CALCR: variants seen among roughly 807,000 people sequenced by gnomAD.
The protein encoded by CALCR is calcitonin receptor.
A neutral mutation model predicts 59.5 loss-of-function variants in CALCR; 47 were observed. That is an observed-to-expected ratio of 0.79 (90% CI 0.63 to 1.01). The LOEUF is 1.01. Ranked by LOEUF, CALCR falls within the 50% of genes least tolerant of loss-of-function variation. The pLI is 0.00. For missense variants in CALCR, 566 were observed against 597.1 expected, an observed-to-expected ratio of 0.95 and a Z score of 0.54; for synonymous variants, 213 against 211.3, an observed-to-expected ratio of 1.01 and a Z score of -0.07.
intron 2 of CALCR, among the ~76,000 whole-genome samples, chr7:93,561,150 C>G (rs1004484123): frequency 2.0e-5 from 3 of 152,100 alleles, no homozygotes; most frequent in African/African-American, 7.2e-5. Context: ...CACTGTGTCA[C>G]GGAGTGTTGG....
At chr7:93,463,005 T>A (rs1800369869) in intron 7 of CALCR, among the ~76,000 whole-genome samples, 1 of 152,010 alleles carries the variant, frequency 6.6e-6, no homozygotes, top group Non-Finnish European at 1.5e-5. Flanking sequence ...ACCCATTTTT[T>A]TTTAAATTTA....
rs181709522 is a variant in CALCR, at chr7:93,535,800, C to T, written c.-27+38489G>A. On this transcript the variant is annotated intron_variant, in intron 2 of 13. Coordinates refer to ENST00000426151, the MANE Select transcript of CALCR (RefSeq NM_001742.4). ...TAAGAGATGGTGATGACTTCTGTGA[C>T]CACATTATGAAGTTAGATGCTGACT... Among the ~76,000 whole-genome samples the T allele has an allele frequency of 1.7e-3, 264 of 151,772 alleles. 1 individual carries two copies. The highest frequency in any genetic ancestry group is 2.9e-3 in the Non-Finnish European group (196 of 67,724).
At chr7:93,518,978 T>G (rs1801702830) in intron 2 of CALCR, among the ~76,000 whole-genome samples, 1 of 151,982 alleles carries the variant, frequency 6.6e-6, no homozygotes, top group Non-Finnish European at 1.5e-5. Flanking sequence ...CTAAATCTTT[T>G]GTATTATTTA....
intron 2 of CALCR, among the ~76,000 whole-genome samples, chr7:93,548,345 C>A (rs745917019): frequency 6.6e-5 from 10 of 152,124 alleles, no homozygotes; most frequent in Non-Finnish European, 1.3e-4. Context: ...AAGCTTTGTG[C>A]AAGTCTGGTG....
chr7:93,553,204 C>T (rs887119996), intron 2 of CALCR, among the ~76,000 whole-genome samples: 4 of 152,154 alleles, frequency 2.6e-5, no homozygotes, highest in Non-Finnish European at 5.9e-5. Context: ...TGTTGATTGT[C>T]ATTCTGTGGA....
chr7:93,478,483 G>T (rs565381726), intron 4 of CALCR, among the ~76,000 whole-genome samples: 46 of 151,834 alleles, frequency 3.0e-4, no homozygotes, highest in African/African-American at 1.1e-3. Context: ...GAGCCCAGGA[G>T]TTGGAGACCA....
intron 5 of CALCR, among the ~76,000 whole-genome samples, chr7:93,474,467 T>C (rs554196628): frequency 6.6e-6 from 1 of 151,872 alleles, no homozygotes; most frequent in Non-Finnish European, 1.5e-5. Context: ...TACATTCCAT[T>C]CCAGTGACCT....
chr7:93,496,020 G>T, intron 2 of CALCR: 2 of 1,019,672 alleles, frequency 2.0e-6, no homozygotes, highest in South Asian at 1.6e-5. Context: ...GATAATGATT[G>T]AACAGAATGT....
At chr7:93,467,173 A>G (rs1562985242) in intron 7 of CALCR, among the ~76,000 whole-genome samples, 1 of 151,828 alleles carries the variant, frequency 6.6e-6, no homozygotes, top group Non-Finnish European at 1.5e-5. Flanking sequence ...AAAAATGAAG[A>G]CATTCCAAGA....
chr7:93,443,611 CAA>C lies in CALCR; in HGVS notation c.793_794del (p.Leu265GlyfsTer22). 4 of 1,612,984 alleles carry C rather than the reference CAA, an allele frequency of 2.5e-6. No individual in the cohort carries two copies. Among genetic ancestry groups the C allele is most frequent in the Non-Finnish European group, 3.4e-6 (4 of 1,179,372 alleles). ...EKQRLRWYYL[L>X]GWGFPLVPTT... ...GCTGCAGAAAATACATACCCCAGCC[CAA>C]GAGATAATACCACCGCAAGCGTTGC... On this transcript the variant is annotated frameshift_variant, in exon 9 of 14. Transcript: ENST00000426151. LOFTEE classifies it high-confidence loss of function.
intron 2 of CALCR, among the ~76,000 whole-genome samples, chr7:93,567,449 G>A (rs920086222): frequency 6.6e-6 from 1 of 152,002 alleles, no homozygotes; most frequent in African/African-American, 2.4e-5. Context: ...ACAAAAGGGA[G>A]ATTAAACCAC....
At chr7:93,447,650 G>GA in intron 8 of CALCR, among the ~76,000 whole-genome samples, 1 of 151,880 alleles carries the variant, frequency 6.6e-6, no homozygotes. Flanking sequence ...TTAAGCAATT[G>GA]AAAATCCACC....
intron 7 of CALCR, among the ~76,000 whole-genome samples, chr7:93,463,015 A>C (rs2115817708): frequency 6.6e-6 from 1 of 152,046 alleles, no homozygotes; most frequent in African/African-American, 2.4e-5. Context: ...TTTTAAATTT[A>C]AAAATGTATT....
intron 7 of CALCR, 134 bp downstream of exon 7, chr7:93,468,581 T>C (rs1436098916): frequency 1.7e-6 from 1 of 576,344 alleles, no homozygotes; most frequent in Admixed American, 3.4e-5. Flanking sequence ...TTCTTGCTAC[T>C]TCATGACTCC....
At chr7:93,479,857 T>C (rs1239192603) in intron 3 of CALCR, among the ~76,000 whole-genome samples, 1 of 151,868 alleles carries the variant, frequency 6.6e-6, no homozygotes, top group Non-Finnish European at 1.5e-5. Flanking sequence ...AAAATACAAA[T>C]ATGAAATCAA....
chr7:93,565,811 C>T (rs1789853015), intron 2 of CALCR, among the ~76,000 whole-genome samples: 1 of 152,216 alleles, frequency 6.6e-6, no homozygotes, highest in Non-Finnish European at 1.5e-5. Flanking sequence ...AATTCCATTC[C>T]AATGTCCATA....
At chr7:93,513,070 CAG>C (rs2116053025) in intron 2 of CALCR, among the ~76,000 whole-genome samples, 1 of 152,254 alleles carries the variant, frequency 6.6e-6, no homozygotes, top group African/African-American at 2.4e-5. Context: ...AATACAGACA[CAG>C]AGCTGCTGCC....
rs536802482 is a variant in CALCR at position 93,464,747 on chromosome 7, G to T, written c.522-3800C>A. 3.9e-5 allele frequency among the ~76,000 whole-genome samples: 6 copies of T among 151,994 alleles called. No individual in the cohort carries two copies. The South Asian group carries it at 1.2e-3, about 31-fold the overall frequency. On this transcript the variant is annotated intron_variant, in intron 7 of 13. Transcript: ENST00000426151. ...ATCTTTGGTGTCTGTCCTGCCAGTG[G>T]TGAGTTGGAAGAAAGGAGGCCATCT... is the stretch of plus-strand genomic sequence containing the variant.
chr7:93,546,732 T>G (rs1341236800), intron 2 of CALCR, among the ~76,000 whole-genome samples: 1 of 151,928 alleles, frequency 6.6e-6, no homozygotes, highest in Non-Finnish European at 1.5e-5. Context: ...TTTGTATTTT[T>G]TTTTTTTTGG....
Sources: gnomAD v4.1 joint callset for allele counts (sites outside exome capture counted in the v4.1 genomes callset) on GRCh38, gnomAD v4.1.1 for gene constraint, MANE v1.5 for transcripts, NCBI Gene and HGNC (gene_info 2026-07-23, HGNC 2026-07-21) for gene names.